The following PABPC4L variants were observed in gnomAD, a reference collection of about 807,000 sequenced individuals.
PABPC4L encodes poly(A) binding protein cytoplasmic 4 like.
For missense variants in PABPC4L, 452 were observed against 451.4 expected, an observed-to-expected ratio of 1.00 and a Z score of -0.01; for synonymous variants, 169 against 164.1, an observed-to-expected ratio of 1.03 and a Z score of -0.23.
the PABPC4L span, among the ~76,000 whole-genome samples, chr4:134,109,353 T>C: frequency 6.6e-6 from 1 of 151,656 alleles, no homozygotes; most frequent in African/African-American, 2.4e-5. Context: ...GCTTTGAATA[T>C]CAAGTAAAAG....
the PABPC4L span, among the ~76,000 whole-genome samples, chr4:134,131,714 C>CAAAAAAAAAAAAAAA: frequency 2.8e-4 from 3 of 10,672 alleles, no homozygotes; most frequent in African/African-American, 4.8e-4. Flanking sequence ...CCTGTGAAAC[C>CAAAAAAAAAAAAAAA]AAAAAAAAAA....
the PABPC4L span, among the ~76,000 whole-genome samples, chr4:133,971,213 C>T: frequency 1.3e-5 from 2 of 149,138 alleles, no homozygotes; most frequent in East Asian, 2.0e-4. Flanking sequence ...CCTGGGTTCA[C>T]GCATTCTACT....
At chr4:133,957,074 C>T in the PABPC4L span, among the ~76,000 whole-genome samples, 3 of 152,138 alleles carry the variant, frequency 2.0e-5, no homozygotes, top group African/African-American at 7.2e-5. Flanking sequence ...ACAGTCATGC[C>T]TTTACAACAG....
At chr4:134,175,743 C>T in the PABPC4L span, among the ~76,000 whole-genome samples, 6 of 152,142 alleles carry the variant, frequency 3.9e-5, no homozygotes, top group Admixed American at 3.9e-4. Flanking sequence ...GTCACTGTGC[C>T]TGGTCTGATC....
the PABPC4L span, among the ~76,000 whole-genome samples, chr4:133,994,221 A>G: frequency 5.3e-5 from 8 of 152,100 alleles, no homozygotes; most frequent in South Asian, 2.1e-4. Flanking sequence ...TGATGGTTCT[A>G]TATGGCTGGC....
chr4:134,053,684 G>A, the PABPC4L span, among the ~76,000 whole-genome samples: 553 of 152,142 alleles, frequency 3.6e-3, 2 homozygotes, highest in African/African-American at 0.013. Flanking sequence ...GTTGTAATTT[G>A]TGTATACATC....
At position 134,199,900 on chromosome 4, in the gene PABPC4L, T is replaced by C. The variant is rs1168705663; in HGVS notation, c.*7A>G. On this transcript the variant is annotated 3_prime_UTR_variant, in exon 2 of 2. Coordinates refer to ENST00000421491, the MANE Select transcript of PABPC4L (RefSeq NM_001114734.2). ...AGATACTAGCTGGAAAGGTACGTTT[T>C]TCTTTCCTAGTGTCTCTGGGCCAAG... 3.9e-6 allele frequency: 6 copies of C among 1,549,898 alleles called. No homozygotes were observed. The highest frequency in any genetic ancestry group is 5.2e-6 in the Non-Finnish European group (6 of 1,146,544).
the PABPC4L span, among the ~76,000 whole-genome samples, chr4:133,977,226 A>C: frequency 6.6e-6 from 1 of 151,602 alleles, no homozygotes; most frequent in Admixed American, 6.6e-5. Flanking sequence ...ATCGTTGGAG[A>C]TGTGTGGTTT....
the PABPC4L span, among the ~76,000 whole-genome samples, chr4:134,117,481 T>A: frequency 6.6e-6 from 1 of 151,826 alleles, no homozygotes; most frequent in African/African-American, 2.4e-5. Context: ...CAGCCATCTA[T>A]CTGCAACCAT....
At chr4:134,086,188 A>G in the PABPC4L span, among the ~76,000 whole-genome samples, 724 of 150,628 alleles carry the variant, frequency 4.8e-3, 6 homozygotes, top group African/African-American at 0.017. Flanking sequence ...TTTTTCTTCC[A>G]ATTTTTGAAC....
the PABPC4L span, among the ~76,000 whole-genome samples, chr4:134,042,858 A>G: frequency 6.6e-6 from 1 of 152,194 alleles, no homozygotes; most frequent in African/African-American, 2.4e-5. Context: ...CTGAGAATGA[A>G]TATAGTCACA....
At chr4:134,047,249 G>A in the PABPC4L span, among the ~76,000 whole-genome samples, 3 of 152,132 alleles carry the variant, frequency 2.0e-5, no homozygotes, top group African/African-American at 7.2e-5. Context: ...CACTACTAGA[G>A]TCCTTGGTTC....
chr4:134,104,917 T>C, the PABPC4L span, among the ~76,000 whole-genome samples: 1 of 151,826 alleles, frequency 6.6e-6, no homozygotes, highest in Non-Finnish European at 1.5e-5. Flanking sequence ...CATGACCAAT[T>C]ACACATTACC....
the PABPC4L span, among the ~76,000 whole-genome samples, chr4:134,069,216 A>G: frequency 2.6e-5 from 4 of 152,028 alleles, no homozygotes; most frequent in Non-Finnish European, 4.4e-5. Context: ...GTTTCCCTCT[A>G]TAGGTAACAT....
At chr4:134,157,751 A>T in the PABPC4L span, among the ~76,000 whole-genome samples, 175 of 151,880 alleles carry the variant, frequency 1.2e-3, no homozygotes, top group African/African-American at 3.8e-3. Context: ...TATTTTTATC[A>T]CTTTTTAATG....
the PABPC4L span, among the ~76,000 whole-genome samples, chr4:134,104,563 T>A: frequency 6.6e-6 from 1 of 151,708 alleles, no homozygotes; most frequent in Non-Finnish European, 1.5e-5. Context: ...TTGAGGCATC[T>A]CTCCCAACTT....
the PABPC4L span, among the ~76,000 whole-genome samples, chr4:134,093,019 TAGAGA>T: frequency 2.6e-5 from 4 of 152,048 alleles, no homozygotes; most frequent in African/African-American, 9.7e-5. Flanking sequence ...TCTATTTGAA[TAGAGA>T]AAAGTAGCTC....
chr4:134,182,840 C>T, the PABPC4L span, among the ~76,000 whole-genome samples: 1 of 151,880 alleles, frequency 6.6e-6, no homozygotes, highest in Admixed American at 6.6e-5. Context: ...ACATGGCCAA[C>T]AAGCATATAG....
the PABPC4L span, among the ~76,000 whole-genome samples, chr4:134,063,207 T>C: frequency 6.6e-6 from 1 of 152,078 alleles, no homozygotes; most frequent in Non-Finnish European, 1.5e-5. Context: ...TGTTCCCATA[T>C]TGAAAGAAAA....
Sources: gnomAD v4.1 joint callset for allele counts (sites outside exome capture counted in the v4.1 genomes callset) on GRCh38, gnomAD v4.1.1 for gene constraint, MANE v1.5 for transcripts, NCBI Gene and HGNC (gene_info 2026-07-23, HGNC 2026-07-21) for gene names.